The following PIWIL1 variants were observed in gnomAD, a reference collection of about 807,000 sequenced individuals.
PIWIL1 encodes piwi-like protein 1.
Under a neutral mutation model 114.4 loss-of-function variants are expected in PIWIL1, and 73 were observed. The observed-to-expected ratio is 0.64, with a 90% confidence interval of 0.53 to 0.78. PIWIL1 has a LOEUF of 0.78. Among genes scored for constraint, PIWIL1 ranks in the 30% least tolerant of loss-of-function variants. PIWIL1 has a pLI of 0.00. For synonymous variants in PIWIL1, 375 were observed against 369.0 expected (o/e 1.02, Z -0.19); for missense variants, 723 against 1,063.1 (o/e 0.68, Z 4.45).
intron 14 of PIWIL1, among the ~76,000 whole-genome samples, chr12:130,358,610 A>G (rs893875920): frequency 6.6e-6 from 1 of 152,052 alleles, no homozygotes; most frequent in African/African-American, 2.4e-5. Context: ...CAGCTCCTCA[A>G]ACTCAGCGAG....
At chr12:130,389,930 T>C in the PIWIL1 span, among the ~76,000 whole-genome samples, 1 of 152,172 alleles carries the variant, frequency 6.6e-6, no homozygotes, top group Non-Finnish European at 1.5e-5. Flanking sequence ...GATACACGGG[T>C]TCTTTAGAAG....
chr12:130,399,952 C>G, the PIWIL1 span: 3 of 970,240 alleles, frequency 3.1e-6, no homozygotes, highest in South Asian at 5.2e-5. Flanking sequence ...CTTGAAAGGA[C>G]TCTAAATCAG....
intron 1 of PIWIL1, among the ~76,000 whole-genome samples, chr12:130,340,872 C>T (rs1223701830): frequency 6.6e-6 from 1 of 152,124 alleles, no homozygotes; most frequent in Admixed American, 6.5e-5. Context: ...GCGGATTATC[C>T]TGTGTAAACT....
chr12:130,406,981 C>A, the PIWIL1 span, among the ~76,000 whole-genome samples: 2 of 152,210 alleles, frequency 1.3e-5, no homozygotes, highest in African/African-American at 4.8e-5. Context: ...GGCCGGGCTG[C>A]AGCCCCAAAG....
At chr12:130,424,297 C>T in the PIWIL1 span, 56 of 1,231,590 alleles carry the variant, frequency 4.5e-5, no homozygotes, top group East Asian at 2.8e-4. This position sits in a 1 kb window ranked among gnomAD's most constrained non-coding sequence, Gnocchi z 9.8. Context: ...CTCTCCGGGC[C>T]GGGCTGGGGG....
chr12:130,382,775 G>T, the PIWIL1 span, among the ~76,000 whole-genome samples: 1 of 151,970 alleles, frequency 6.6e-6, no homozygotes, highest in East Asian at 1.9e-4. Context: ...TTTAATTGTT[G>T]TTATATTGGC....
the PIWIL1 span, chr12:130,383,936 TC>T: frequency 2.0e-5 from 3 of 152,238 alleles, no homozygotes; most frequent in South Asian, 4.1e-4. Flanking sequence ...AGAAACTTGA[TC>T]ATACTATTTT....
At chr12:130,417,952 G>A in the PIWIL1 span, among the ~76,000 whole-genome samples, 17,252 of 152,046 alleles carry the variant, frequency 0.11, 1,225 homozygotes, top group Non-Finnish European at 0.16. Context: ...TGAGAAACAC[G>A]CCAGCTGGCA....
chr12:130,341,348 C>G (rs2072913881), intron 1 of PIWIL1, among the ~76,000 whole-genome samples: 1 of 152,234 alleles, frequency 6.6e-6, no homozygotes, highest in African/African-American at 2.4e-5. Context: ...TCCTAATTCT[C>G]TGTTTCAGCT....
intron 3 of PIWIL1, 165 bp from the exon 4 acceptor site, chr12:130,345,588 C>G (rs1384900483): frequency 3.0e-6 from 2 of 660,084 alleles, no homozygotes; most frequent in African/African-American, 3.6e-5. Context: ...AAACCATTCT[C>G]TCGTTAGGCT....
At chr12:130,367,029 G>A (rs1375895872) in intron 18 of PIWIL1, 104 bp from the exon 19 acceptor site, 2 of 1,314,552 alleles carry the variant, frequency 1.5e-6, no homozygotes. Flanking sequence ...TACGCCCCAG[G>A]AGGGATGTGT....
chr12:130,397,202 CGTGGTTGGTTTAAA>C, the PIWIL1 span: 6 of 379,592 alleles, frequency 1.6e-5, no homozygotes, highest in Non-Finnish European at 2.8e-5. Flanking sequence ...TCTTTGTTCT[CGTGGTTGGTTTAAA>C]GTGGTTGGTA....
At chr12:130,397,339 C>T in the PIWIL1 span, 1 of 398,890 alleles carries the variant, frequency 2.5e-6, no homozygotes, top group East Asian at 3.6e-5. Context: ...ATAGATTTGG[C>T]AGTTGTCCGG....
At chr12:130,365,668 T>C (rs2073635438) in intron 18 of PIWIL1, among the ~76,000 whole-genome samples, 1 of 152,242 alleles carries the variant, frequency 6.6e-6, no homozygotes, top group African/African-American at 2.4e-5. Context: ...GACCTGTTTT[T>C]GTTACTATAT....
At chr12:130,367,387 T>C (rs2073690130) in intron 19 of PIWIL1, 129 bp downstream of exon 19, 1 of 909,114 alleles carries the variant, frequency 1.1e-6, no homozygotes, top group African/African-American at 1.7e-5. Context: ...CATTAATTTT[T>C]TCAACTAATT....
the PIWIL1 span, among the ~76,000 whole-genome samples, chr12:130,388,441 C>G: frequency 6.6e-6 from 1 of 152,218 alleles, no homozygotes; most frequent in Non-Finnish European, 1.5e-5. Context: ...TGGTAGGACA[C>G]TTTCCTTTAT....
At chr12:130,402,730 G>A in the PIWIL1 span, among the ~76,000 whole-genome samples, 15 of 152,256 alleles carry the variant, frequency 9.9e-5, no homozygotes, top group African/African-American at 3.1e-4. Context: ...CACCAAAATC[G>A]ATCCCCTCCC....
chr12:130,365,121 C>T (rs960392024), intron 18 of PIWIL1, among the ~76,000 whole-genome samples: 7 of 152,128 alleles, frequency 4.6e-5, no homozygotes, highest in South Asian at 2.1e-4. Flanking sequence ...CTGGTGGGTG[C>T]GCCTACCCAG....
At chr12:130,376,320 C>A (rs2073865832), downstream of PIWIL1, among the ~76,000 whole-genome samples, 1 of 152,246 alleles carries the variant, frequency 6.6e-6, no homozygotes, top group Admixed American at 6.5e-5. Flanking sequence ...TGCCCATATT[C>A]CATTGTCAGA....
Sources: allele counts gnomAD v4.1 joint callset (sites outside exome capture counted in the v4.1 genomes callset), GRCh38; gene constraint gnomAD v4.1.1; non-coding constraint Gnocchi (gnomAD v3.1); transcripts MANE v1.5; gene names NCBI Gene and HGNC (gene_info 2026-07-23, HGNC 2026-07-21).